The following CUL3 variants were observed in gnomAD, a reference collection of about 807,000 sequenced individuals.
CUL3 encodes cullin-3.
CUL3 carries 19 observed loss-of-function variants against 89.1 expected under a neutral mutation model. That is an observed-to-expected ratio of 0.21 (90% CI 0.15 to 0.31). The LOEUF (loss-of-function observed/expected upper bound fraction) is 0.31, where lower values mean the gene tolerates loss of function less well. Among genes scored for constraint, CUL3 ranks in the 10% least tolerant of loss-of-function variants. The pLI is 1.00. For synonymous variants in CUL3, 351 were observed against 308.4 expected (o/e 1.14, Z -1.45); for missense variants, 469 against 942.3 (o/e 0.50, Z 6.58).
intron 1 of CUL3, among the ~76,000 whole-genome samples, chr2:224,572,853 C>G (rs918322022): frequency 6.6e-6 from 1 of 152,150 alleles, no homozygotes; most frequent in African/African-American, 2.4e-5. Context: ...GACAGCAGCC[C>G]TCTCCAGACA....
intron 1 of CUL3, among the ~76,000 whole-genome samples, chr2:224,559,798 T>C (rs977024616): frequency 6.6e-6 from 1 of 152,116 alleles, no homozygotes; most frequent in African/African-American, 2.4e-5. Flanking sequence ...TGAAACAAAT[T>C]TGGCAAGGCA....
chr2:224,539,694 G>A (rs1694022895), intron 2 of CUL3, among the ~76,000 whole-genome samples: 1 of 151,966 alleles, frequency 6.6e-6, no homozygotes, highest in Admixed American at 6.6e-5. Flanking sequence ...AGTGAAATAA[G>A]CTAATCTGAA....
intron 11 of CUL3, chr2:224,499,971 G>A (rs1318567687): frequency 1.3e-5 from 2 of 154,108 alleles, no homozygotes; most frequent in African/African-American, 4.8e-5. Context: ...CCATCTCAGA[G>A]ACTCTGAGTA....
intron 1 of CUL3, among the ~76,000 whole-genome samples, chr2:224,574,156 T>A (rs1339774126): frequency 1.3e-5 from 2 of 152,230 alleles, no homozygotes; most frequent in African/African-American, 4.8e-5. Flanking sequence ...TATATTTTCT[T>A]AAAGTAGGTA....
At chr2:224,523,490 C>A (rs1272541794) in intron 3 of CUL3, among the ~76,000 whole-genome samples, 1 of 151,826 alleles carries the variant, frequency 6.6e-6, no homozygotes, top group African/African-American at 2.4e-5. Flanking sequence ...AGTATAGCTG[C>A]TGTGGAAAGC....
At chr2:224,579,260 T>C (rs2934608) in intron 1 of CUL3, among the ~76,000 whole-genome samples, 1 of 152,196 alleles carries the variant, frequency 6.6e-6, no homozygotes, top group Non-Finnish European at 1.5e-5. Context: ...AAGTAACACT[T>C]TAATGAATCT....
At chr2:224,545,832 T>C (rs1694272611) in intron 2 of CUL3, among the ~76,000 whole-genome samples, 1 of 152,174 alleles carries the variant, frequency 6.6e-6, no homozygotes, top group Non-Finnish European at 1.5e-5. Flanking sequence ...ACAGAACAGG[T>C]GTTAGGACAA....
At chr2:224,533,858 C>G (rs1693782522) in intron 3 of CUL3, among the ~76,000 whole-genome samples, 1 of 152,146 alleles carries the variant, frequency 6.6e-6, no homozygotes, top group South Asian at 2.1e-4. Flanking sequence ...CCCTGACCCC[C>G]TTGCCACTAA....
chr2:224,500,258 A>C, intron 11 of CUL3, 105 bp downstream of exon 11: 1 of 1,328,190 alleles, frequency 7.5e-7, no homozygotes, highest in Non-Finnish European at 1.1e-6. Flanking sequence ...ACGAGGTAAT[A>C]AATGGAATAC....
chr2:224,518,293 C>G (rs1158594601), intron 3 of CUL3, among the ~76,000 whole-genome samples: 1 of 147,248 alleles, frequency 6.8e-6, no homozygotes, highest in East Asian at 1.9e-4. Context: ...AATGTTGTAA[C>G]ATACAACAGT....
At chr2:224,514,856 A>C (rs1574647259) in intron 3 of CUL3, 84 bp from the exon 4 acceptor site, 1 of 1,004,772 alleles carries the variant, frequency 1.0e-6, no homozygotes, top group East Asian at 2.5e-5. Flanking sequence ...TAAAGGAAAT[A>C]AAATTCCAAA....
At chr2:224,498,084 ATT>A (rs1292159298) in intron 11 of CUL3, among the ~76,000 whole-genome samples, 1 of 152,106 alleles carries the variant, frequency 6.6e-6, no homozygotes, top group Admixed American at 6.6e-5. Flanking sequence ...ACACTAAATA[ATT>A]TCTACTGTAC....
At position 224,585,170 on chromosome 2, in the gene CUL3, CGGCGGG is replaced by C. The variant is rs1230397700; in HGVS notation, c.-167_-162del. The C allele has an allele frequency of 1.6e-5, 4 of 251,678 alleles. No individual in the cohort carries two copies. Among genetic ancestry groups the C allele is most frequent in the Non-Finnish European group, 1.9e-5 (3 of 160,298 alleles). The allele number at this position is 251,678 out of a possible 1,614,324, so 15.6% of individuals were successfully genotyped here. A position where few individuals can be genotyped will look rare whatever the true frequency, so the allele number is the denominator to read the frequency against. The stretch of plus-strand genomic sequence containing the variant: ...GCCGGCCCCTGGGCAGCCGCGGCGG[CGGCGGG>C]GGCGGCGGCGGCGGCGGCGGCGGCT... On this transcript the variant is annotated 5_prime_UTR_variant, in exon 1 of 16. Coordinates refer to ENST00000264414, the MANE Select transcript of CUL3 (RefSeq NM_003590.5).
chr2:224,511,306 G>T (rs542560717), intron 6 of CUL3, 48 bp downstream of exon 6: 2 of 1,338,278 alleles, frequency 1.5e-6, no homozygotes, highest in Non-Finnish European at 2.1e-6. Context: ...TAAAAATATC[G>T]ATAAGGCAGA....
At chr2:224,518,397 A>ATTTTT (rs1693145290) in intron 3 of CUL3, among the ~76,000 whole-genome samples, 3 of 152,110 alleles carry the variant, frequency 2.0e-5, no homozygotes, top group Admixed American at 6.5e-5. Context: ...GGTTGTTTCC[A>ATTTTT]TTTTTTGTCT....
intron 13 of CUL3, among the ~76,000 whole-genome samples, chr2:224,488,667 G>A (rs1691834641): frequency 2.0e-5 from 3 of 152,186 alleles, no homozygotes; most frequent in Non-Finnish European, 2.9e-5. Context: ...ATTCACAGTC[G>A]AATTCTACCA....
At chr2:224,545,980 G>C (rs562023066) in intron 2 of CUL3, among the ~76,000 whole-genome samples, 2 of 152,186 alleles carry the variant, frequency 1.3e-5, no homozygotes, top group African/African-American at 4.8e-5. Flanking sequence ...TCTTAAAATA[G>C]TATGACTTAG....
intron 2 of CUL3, among the ~76,000 whole-genome samples, chr2:224,549,006 A>AAACAACAAC (rs534685744): frequency 6.6e-6 from 1 of 150,770 alleles, no homozygotes. Flanking sequence ...GGTCTCCAAA[A>AAACAACAAC]AACAACAACA....
At chr2:224,498,109 C>A (rs536611602) in intron 11 of CUL3, among the ~76,000 whole-genome samples, 34 of 152,304 alleles carry the variant, frequency 2.2e-4, no homozygotes, top group Non-Finnish European at 4.3e-4. Context: ...TCTGCCCCAA[C>A]CTACTGCTGC....
Sources: allele counts gnomAD v4.1 joint callset (sites outside exome capture counted in the v4.1 genomes callset), GRCh38; gene constraint gnomAD v4.1.1; transcripts MANE v1.5; gene names NCBI Gene and HGNC (gene_info 2026-07-23, HGNC 2026-07-21).